The following DHODH variants were observed in gnomAD, a reference collection of about 807,000 sequenced individuals.
DHODH encodes dihydroorotate dehydrogenase (quinone), mitochondrial.
In DHODH, 30 loss-of-function variants were observed where a neutral mutation model predicts 39.7. That is an observed-to-expected ratio of 0.76 (90% CI 0.57 to 1.02). The LOEUF is 1.02. Among genes scored for constraint, DHODH ranks in the 50% least tolerant of loss-of-function variants. The pLI, the probability that DHODH is intolerant of heterozygous loss-of-function variation, is 0.00. For missense variants in DHODH, 531 were observed against 520.8 expected, an observed-to-expected ratio of 1.02 and a Z score of -0.19; for synonymous variants, 222 against 213.8, an observed-to-expected ratio of 1.04 and a Z score of -0.34.
intron 4 of DHODH, among the ~76,000 whole-genome samples, chr16:72,017,885 C>G (rs1260361690): frequency 4.0e-5 from 6 of 150,458 alleles, no homozygotes; most frequent in Admixed American, 3.3e-4. Context: ...TATTCTCCTG[C>G]CTCAGCCTCC....
intron 3 of DHODH, among the ~76,000 whole-genome samples, chr16:72,015,462 C>T (rs1031678244): frequency 4.6e-5 from 7 of 152,216 alleles, no homozygotes; most frequent in Admixed American, 1.3e-4. Flanking sequence ...ATTTTTACTA[C>T]AGCAAACCCA....
intron 1 of DHODH, among the ~76,000 whole-genome samples, chr16:72,011,554 G>A (rs2143969303): frequency 6.6e-6 from 1 of 152,328 alleles, no homozygotes; most frequent in South Asian, 2.1e-4. Context: ...GATTGCTTGA[G>A]ACCAGGAGGT....
chr16:72,011,182 C>T (rs2041077683), intron 1 of DHODH, among the ~76,000 whole-genome samples: 1 of 152,172 alleles, frequency 6.6e-6, no homozygotes, highest in Non-Finnish European at 1.5e-5. Context: ...TAAGTCTCTA[C>T]TTAGAAATGC....
Position 72,023,653 on chromosome 16 carries a change from G to A in DHODH, c.1133+20G>A. 1 of 1,612,750 alleles carries A rather than the reference G, an allele frequency of 6.2e-7. No homozygotes were observed. Among genetic ancestry groups the A allele is most frequent in the South Asian group, 1.1e-5 (1 of 91,086 alleles). On this transcript the variant is annotated intron_variant, in intron 8 of 8. Coordinates refer to ENST00000219240, the MANE Select transcript of DHODH (RefSeq NM_001361.5). Reference sequence around the variant, plus strand: ...TCTGAAGTGAGTGAGGTCATGTGTGGCTTGAAACAGAAGTTAGGCAGAGGT... The same window carrying A: ...TCTGAAGTGAGTGAGGTCATGTGTGACTTGAAACAGAAGTTAGGCAGAGGT...
chr16:72,024,114 G>T, intron 8 of DHODH, 31 bp from the exon 9 acceptor site: 1 of 1,613,746 alleles, frequency 6.2e-7, no homozygotes, highest in Non-Finnish European at 8.5e-7. Flanking sequence ...TCCACTGTTT[G>T]CTGAAATTGC....
In DHODH at chr16:72,012,037, C is replaced by T. The variant is rs2041087292; in HGVS notation, c.22-13C>T. ...TGGCCTGGGGGACCCCCCTAATATG[C>T]TCTTTTTTGCAGAAGCGGGCCCAGG... is the stretch of plus-strand genomic sequence containing the variant. On this transcript the variant is annotated splice_polypyrimidine_tract_variant and intron_variant, in intron 1 of 8. Transcript: ENST00000219240. The T allele has an allele frequency of 1.2e-6, 2 of 1,613,604 alleles. No individual in the cohort carries two copies. Among genetic ancestry groups the T allele is most frequent in the African/African-American group, 1.3e-5 (1 of 75,048 alleles).
chr16:72,024,036 G>C, intron 8 of DHODH, 109 bp from the exon 9 acceptor site: 1 of 1,135,960 alleles, frequency 8.8e-7, no homozygotes, highest in East Asian at 2.3e-5. Flanking sequence ...GAGGAAACCA[G>C]ATGTGCCTGG....
chr16:72,014,737 A>G, intron 3 of DHODH, 65 bp downstream of exon 3: 4 of 1,484,484 alleles, frequency 2.7e-6, no homozygotes, highest in Non-Finnish European at 2.8e-6. Flanking sequence ...TCAGAGATAT[A>G]AGATCTGCCT....
chr16:72,023,875 G>C (rs937562619), intron 8 of DHODH, among the ~76,000 whole-genome samples: 1 of 152,304 alleles, frequency 6.6e-6, no homozygotes, highest in South Asian at 2.1e-4. Context: ...ATTTGCTCAA[G>C]GGAGGGGAGC....
chr16:72,024,225 T>C lies in DHODH; in HGVS notation c.*26T>C. 1 of 1,613,514 alleles carries C rather than the reference T, an allele frequency of 6.2e-7. No individual in the cohort carries two copies. Among genetic ancestry groups the C allele is most frequent in the Non-Finnish European group, 8.5e-7 (1 of 1,179,534 alleles). ...GGACAGCGTCTGACGGGAAGCCTGA[T>C]CTGGAACCTTCCCAAGGACTCAGGC... On this transcript the variant is annotated 3_prime_UTR_variant, in exon 9 of 9. Coordinates refer to ENST00000219240, the MANE Select transcript of DHODH (RefSeq NM_001361.5).
At chr16:72,014,175 G>A (rs993780939) in intron 2 of DHODH, among the ~76,000 whole-genome samples, 1 of 152,126 alleles carries the variant, frequency 6.6e-6, no homozygotes, top group African/African-American at 2.4e-5. Flanking sequence ...GACAGTGCTC[G>A]TCTCCGCTTC....
At chr16:72,008,963 G>T (rs1468963682) in intron 1 of DHODH, 178 bp downstream of exon 1, 2 of 1,500,662 alleles carry the variant, frequency 1.3e-6, no homozygotes, top group Admixed American at 4.2e-5. Context: ...TTTGCACGTG[G>T]ACTCGGTCAG....
chr16:72,017,135 T>C, intron 4 of DHODH, 29 bp downstream of exon 4: 1 of 1,603,000 alleles, frequency 6.2e-7, no homozygotes, highest in African/African-American at 1.3e-5. Flanking sequence ...AGTGGGCCTT[T>C]CTTATTTATT....
Position 72,024,196 on chromosome 16 carries a change from G to T in DHODH, c.1185G>T (p.Arg395Ser). 1.9e-6 allele frequency: 3 copies of T among 1,614,222 alleles called. No individual in the cohort carries two copies. Among genetic ancestry groups the T allele is most frequent in the Non-Finnish European group, 2.5e-6 (3 of 1,180,044 alleles). The change falls in exon 9 of 9, where the codon AGG becomes AGT. Residue 395 changes from arginine (R) to serine (S), a missense_variant. By Grantham distance (110) the Arg-to-Ser change is moderately radical (BLOSUM62 -1). Coordinates refer to ENST00000219240, the MANE Select transcript of DHODH (RefSeq NM_001361.5). The part of the protein sequence containing the change: ...VTDAIGADHR[R>S] ...ATGCCATTGGAGCAGATCATCGGAG[G>T]TGAGGACAGCGTCTGACGGGAAGCC... is the stretch of plus-strand genomic sequence containing the variant.
At position 72,014,469 on chromosome 16, in the gene DHODH, C is replaced by T. The variant is rs544716737; in HGVS notation, c.235-4C>T. ...TGCCTCTGACTTTGTCTTCCTCTTC[C>T]CAGGAAGTGAGAGTTCTGGGCCATA... On this transcript the variant is annotated splice_region_variant and splice_polypyrimidine_tract_variant and intron_variant, in intron 2 of 8. Transcript: ENST00000219240. 2 of 1,614,022 alleles carry T rather than the reference C, an allele frequency of 1.2e-6. No individual in the cohort carries two copies. The highest frequency in any genetic ancestry group is 4.5e-5 in the East Asian group (2 of 44,876).
At position 72,017,018 on chromosome 16, in the gene DHODH, C is replaced by T; in HGVS notation, c.435-6C>T. The T allele has an allele frequency of 6.2e-7, 1 of 1,613,676 alleles. No homozygotes were observed. Among genetic ancestry groups the T allele is most frequent in the South Asian group, 1.1e-5 (1 of 91,048 alleles). On this transcript the variant is annotated splice_region_variant and splice_polypyrimidine_tract_variant and intron_variant, in intron 3 of 8. Transcript: ENST00000219240. ...TCTGCCCCTCCCGTGTGCTTGTGCT[C>T]TGCAGGTATGGATTTAACAGTCACG...
At position 72,023,468 on chromosome 16, in the gene DHODH, C is replaced by G. The variant is rs1301330509; in HGVS notation, c.974-6C>G. The G allele has an allele frequency of 6.2e-7, 1 of 1,614,176 alleles. No individual in the cohort carries two copies. The highest frequency in any genetic ancestry group is 8.5e-7 in the Non-Finnish European group (1 of 1,180,050). On this transcript the variant is annotated splice_polypyrimidine_tract_variant and splice_region_variant and intron_variant, in intron 7 of 8. Coordinates refer to ENST00000219240, the MANE Select transcript of DHODH (RefSeq NM_001361.5). Reference sequence around the variant, plus strand: ...CTTTATGGTGTCGCCATGTGCTTCTCTGTAGGCCGAGTTCCCATAATTGGG... The same window carrying G: ...CTTTATGGTGTCGCCATGTGCTTCTGTGTAGGCCGAGTTCCCATAATTGGG...
chr16:72,015,199 C>T (rs545477633), intron 3 of DHODH, among the ~76,000 whole-genome samples: 8 of 152,226 alleles, frequency 5.3e-5, no homozygotes, highest in South Asian at 2.1e-4. Context: ...AGTATTAATT[C>T]GCTGTTTTTA....
chr16:72,024,357 A>G lies in DHODH; in HGVS notation c.*158A>G. 11 of 755,284 alleles carry G rather than the reference A, an allele frequency of 1.5e-5. No homozygotes were observed. The highest frequency in any genetic ancestry group is 8.8e-5 in the South Asian group (6 of 67,842). The allele number at this position is 755,284 out of a possible 1,614,324, so 46.8% of individuals were successfully genotyped here. ...GCCAATCGGGGGGTCACCAGGATCAACCGCAGGCTTTCTTCAGTCCCTTGG... is the reference window on the plus strand; with the variant it reads ...GCCAATCGGGGGGTCACCAGGATCAGCCGCAGGCTTTCTTCAGTCCCTTGG... On this transcript the variant is annotated 3_prime_UTR_variant, in exon 9 of 9. Coordinates refer to ENST00000219240, the MANE Select transcript of DHODH (RefSeq NM_001361.5).
Sources: gnomAD v4.1 joint callset for allele counts (sites outside exome capture counted in the v4.1 genomes callset) on GRCh38, gnomAD v4.1.1 for gene constraint, MANE v1.5 for transcripts, NCBI Gene and HGNC (gene_info 2026-07-23, HGNC 2026-07-21) for gene names.